The following PRKN variants were observed in gnomAD, a reference collection of about 807,000 sequenced individuals.
PRKN encodes E3 ubiquitin-protein ligase parkin.
PRKN carries 56 observed loss-of-function variants against 59.5 expected under a neutral mutation model. The observed-to-expected ratio is 0.94, with a 90% CI of 0.76 to 1.18. PRKN has a LOEUF of 1.18. Among genes scored for constraint, PRKN ranks in the 50% most tolerant of loss-of-function variants. PRKN has a pLI of 0.00. For synonymous variants in PRKN, 250 were observed against 222.1 expected, an observed-to-expected ratio of 1.13 and a Z score of -1.12; for missense variants, 657 against 596.4, an observed-to-expected ratio of 1.10 and a Z score of -1.06.
chr6:162,450,562 C>T (rs1790577643), intron 1 of PRKN, among the ~76,000 whole-genome samples: 1 of 152,088 alleles, frequency 6.6e-6, no homozygotes, highest in African/African-American at 2.4e-5. Flanking sequence ...TCATGTTTAC[C>T]CTTGACACAG....
intron 1 of PRKN, among the ~76,000 whole-genome samples, chr6:162,467,500 G>T (rs1791483211): frequency 6.6e-6 from 1 of 152,126 alleles, no homozygotes; most frequent in African/African-American, 2.4e-5. Context: ...ATCGTCATCA[G>T]TGTATCCCTT....
chr6:162,144,526 C>T (rs1432339759), intron 4 of PRKN, among the ~76,000 whole-genome samples: 6 of 152,080 alleles, frequency 3.9e-5, no homozygotes, highest in African/African-American at 7.2e-5. Flanking sequence ...TATGGTGCTC[C>T]GAGCCTTCCT....
chr6:161,758,020 G>A (rs953365495), intron 7 of PRKN, among the ~76,000 whole-genome samples: 12 of 149,236 alleles, frequency 8.0e-5, no homozygotes, highest in Non-Finnish European at 1.6e-4. Flanking sequence ...TAATTCCATA[G>A]TGAGACACCA....
At chr6:161,773,826 AAAG>A (rs904517845) in intron 7 of PRKN, among the ~76,000 whole-genome samples, 2 of 152,102 alleles carry the variant, frequency 1.3e-5, no homozygotes, top group African/African-American at 2.4e-5. Context: ...AGATGCAGAA[AAAG>A]AAGAAGAAGA....
At chr6:162,245,985 T>C (rs939190289) in intron 3 of PRKN, among the ~76,000 whole-genome samples, 4 of 152,152 alleles carry the variant, frequency 2.6e-5, no homozygotes, top group African/African-American at 9.7e-5. Flanking sequence ...ACTAATACAT[T>C]TTTGTGATTC....
intron 9 of PRKN, among the ~76,000 whole-genome samples, chr6:161,537,703 A>G (rs12526090): frequency 0.21 from 32,058 of 152,072 alleles, 3,806 homozygotes; most frequent in Middle Eastern, 0.36. Flanking sequence ...CGCCCGCCTT[A>G]GCCTCCCAAA....
chr6:162,340,147 T>TAA (rs11355851), intron 2 of PRKN, among the ~76,000 whole-genome samples: 54,294 of 144,280 alleles, frequency 0.38, 10,391 homozygotes, highest in African/African-American at 0.44. Flanking sequence ...AAAAATAAAT[T>TAA]AAAAAAAAAA....
At chr6:161,563,420 C>T (rs1435513237) in intron 8 of PRKN, among the ~76,000 whole-genome samples, 4 of 152,108 alleles carry the variant, frequency 2.6e-5, no homozygotes, top group African/African-American at 9.7e-5. Flanking sequence ...AAAGGCCCTA[C>T]AAACCTATTG....
intron 4 of PRKN, among the ~76,000 whole-genome samples, chr6:162,142,830 C>A (rs968141697): frequency 4.6e-5 from 7 of 152,148 alleles, no homozygotes; most frequent in Non-Finnish European, 1.0e-4. Flanking sequence ...ATCTCTACTA[C>A]AAAGATGGGA....
intron 1 of PRKN, among the ~76,000 whole-genome samples, chr6:162,560,860 A>AAAAAAAAAAAAC (rs1367849741): frequency 1.3e-5 from 2 of 150,460 alleles, no homozygotes; most frequent in African/African-American, 4.9e-5. Context: ...AGGCAAAAAA[A>AAAAAAAAAAAAC]AAAAAAACCC....
intron 7 of PRKN, among the ~76,000 whole-genome samples, chr6:161,725,957 G>A (rs1562635419): frequency 6.6e-6 from 1 of 152,162 alleles, no homozygotes; most frequent in African/African-American, 2.4e-5. Context: ...CCCTTCAAAT[G>A]AAATATGTCC....
chr6:162,568,309 A>C (rs1410803073), intron 1 of PRKN: 2 of 290,938 alleles, frequency 6.9e-6, no homozygotes, highest in Non-Finnish European at 1.3e-5. Context: ...AGTGACCAAG[A>C]AGCAGCTTCT....
intron 1 of PRKN, among the ~76,000 whole-genome samples, chr6:162,611,962 T>C (rs550284208): frequency 1.3e-5 from 2 of 150,266 alleles, no homozygotes; most frequent in Non-Finnish European, 3.0e-5. Flanking sequence ...AAGGCGGGCG[T>C]ATCATAAGGT....
intron 3 of PRKN, among the ~76,000 whole-genome samples, chr6:162,241,556 T>C (rs1034254387): frequency 5.3e-5 from 8 of 152,096 alleles, no homozygotes; most frequent in African/African-American, 1.9e-4. Flanking sequence ...TCCCTACTTA[T>C]ATTGATAGGC....
intron 2 of PRKN, among the ~76,000 whole-genome samples, chr6:162,288,742 C>A (rs1233415531): frequency 6.6e-6 from 1 of 152,170 alleles, no homozygotes; most frequent in African/African-American, 2.4e-5. Context: ...GAAACACTCA[C>A]ATTTTTCTAC....
Position 162,065,559 on chromosome 6 carries a change from T to C in PRKN, c.535-11385A>G, listed in dbSNP as rs989225856. Reference sequence around the variant, plus strand: ...GAAACAATTCTTTTCTTTTTCTTTTTTTTTTTTGGTCAATTTTTAAAAAAA... The same window carrying C: ...GAAACAATTCTTTTCTTTTTCTTTTCTTTTTTTGGTCAATTTTTAAAAAAA... On this transcript the variant is annotated intron_variant, in intron 4 of 11. Transcript: ENST00000366898. 3.9e-5 allele frequency among the ~76,000 whole-genome samples: 6 copies of C among 152,154 alleles called. No homozygotes were observed. The East Asian group carries it at 9.7e-4, about 25-fold the overall frequency.
chr6:161,560,577 C>A lies in PRKN; in HGVS notation c.933+8778G>T, dbSNP rs1583229369. Among the ~76,000 whole-genome samples, 1 of 152,260 alleles carries A rather than the reference C, an allele frequency of 6.6e-6. No individual in the cohort carries two copies. The highest frequency in any genetic ancestry group is 2.1e-4 in the South Asian group (1 of 4,814). On this transcript the variant is annotated intron_variant, in intron 8 of 11. Transcript: ENST00000366898. The surrounding 1 kb of genome is among the most constrained non-coding windows in gnomAD (Gnocchi z 4.9). ...AACTCCTGTATGAATAAGCCACCAT[C>A]AATCTATTCTTTCTGTTTTACCTTC...
intron 2 of PRKN, among the ~76,000 whole-genome samples, chr6:162,409,692 C>G (rs1313430706): frequency 6.6e-6 from 1 of 152,144 alleles, no homozygotes; most frequent in African/African-American, 2.4e-5. Flanking sequence ...TTACCTCTTT[C>G]AAGCCCAAGC....
intron 1 of PRKN, among the ~76,000 whole-genome samples, chr6:162,635,639 T>C (rs1280392503): frequency 6.6e-6 from 1 of 152,192 alleles, no homozygotes; most frequent in East Asian, 1.9e-4. Flanking sequence ...AATTATTTCT[T>C]AATTTGGTTG....
Sources: gnomAD v4.1 joint callset for allele counts (sites outside exome capture counted in the v4.1 genomes callset) on GRCh38, gnomAD v4.1.1 for gene constraint, Gnocchi (gnomAD v3.1) non-coding constraint, MANE v1.5 for transcripts, NCBI Gene and HGNC (gene_info 2026-07-23, HGNC 2026-07-21) for gene names.